Variants in P3H2 observed in about 807,000 individuals in gnomAD.
P3H2 encodes the protein prolyl 3-hydroxylase 2, also known as leprecan-like 1.
P3H2 carries 80 observed loss-of-function variants against 87.0 expected under a neutral mutation model. The ratio of observed to expected loss-of-function variants is 0.92; its 90% CI spans 0.77 to 1.11. The LOEUF (loss-of-function observed/expected upper bound fraction) is 1.11. Among genes scored for constraint, P3H2 ranks in the 50% least tolerant of loss-of-function variants. P3H2 has a pLI of 0.00. For synonymous variants in P3H2, 367 were observed against 359.3 expected (o/e 1.02, Z -0.24); for missense variants, 1,001 against 923.9 (o/e 1.08, Z -1.08).
intron 11 of P3H2, 33 bp downstream of exon 11, chr3:189,972,841 G>A (rs772714307): frequency 2.5e-6 from 4 of 1,612,170 alleles, no homozygotes; most frequent in Admixed American, 3.3e-5. Context: ...TGTATTGTGG[G>A]TAAAAGGGAA....
intron 3 of P3H2, among the ~76,000 whole-genome samples, chr3:189,993,228 A>G (rs996081877): frequency 1.1e-4 from 16 of 152,042 alleles, no homozygotes; most frequent in South Asian, 4.2e-4. Context: ...AGGCTGAGAA[A>G]GAAGAATTGC....
chr3:190,090,975 C>T (rs556635918), intron 1 of P3H2, among the ~76,000 whole-genome samples: 7 of 151,970 alleles, frequency 4.6e-5, no homozygotes, highest in Non-Finnish European at 8.8e-5. Context: ...TTTTTTATTC[C>T]GCCTGCCATC....
At chr3:190,030,446 C>A (rs539727872) in intron 1 of P3H2, among the ~76,000 whole-genome samples, 1 of 152,122 alleles carries the variant, frequency 6.6e-6, no homozygotes, top group African/African-American at 2.4e-5. Flanking sequence ...GGCACGCAAC[C>A]CTGGAGGCTG....
chr3:189,978,169 G>A (rs1200701087), intron 8 of P3H2, among the ~76,000 whole-genome samples: 1 of 152,186 alleles, frequency 6.6e-6, no homozygotes, highest in Non-Finnish European at 1.5e-5. Flanking sequence ...ATGAAAGACA[G>A]ATGAGAGATT....
intron 1 of P3H2, among the ~76,000 whole-genome samples, chr3:189,999,201 A>C (rs1422374765): frequency 1.3e-5 from 2 of 152,118 alleles, no homozygotes; most frequent in South Asian, 2.1e-4. Flanking sequence ...AATGTCAACA[A>C]ACTGGGTCCT....
intron 1 of P3H2, among the ~76,000 whole-genome samples, chr3:190,036,028 T>C (rs1460270755): frequency 2.0e-5 from 3 of 152,192 alleles, no homozygotes. Context: ...TTTTATTCAA[T>C]TGCAAGAATT....
At position 190,120,239 on chromosome 3, in the gene P3H2, G is replaced by C. The variant is rs1406724855; in HGVS notation, c.480+13C>G. ...CGCAGGGGCTTTGCAGTGGAGGAGC[G>C]CTCTGTGGGTACCTTGATGTAGGCC... On this transcript the variant is annotated intron_variant, in intron 1 of 14. Coordinates refer to ENST00000319332, the MANE Select transcript of P3H2 (RefSeq NM_018192.4). The C allele has an allele frequency of 1.9e-6, 3 of 1,607,706 alleles. No individual in the cohort carries two copies. Among genetic ancestry groups the C allele is most frequent in the African/African-American group, 1.3e-5 (1 of 74,990 alleles).
rs1354846955 is a variant in P3H2 at position 189,957,010 on chromosome 3, G to C, written c.*902C>G. 5.3e-5 allele frequency: 21 copies of C among 397,924 alleles called. No homozygotes were observed. The allele number at this position is 397,924 out of a possible 1,614,324, so 24.6% of individuals were successfully genotyped here. A position where few individuals can be genotyped will look rare whatever the true frequency, so the allele number is the denominator to read the frequency against. On this transcript the variant is annotated 3_prime_UTR_variant, in exon 15 of 15. Coordinates refer to ENST00000319332, the MANE Select transcript of P3H2 (RefSeq NM_018192.4). ...TACAACCTCTACATGACCTTTTAAA[G>C]TGTACAACTTATAGGACAGTCCTTT...
intron 1 of P3H2, among the ~76,000 whole-genome samples, chr3:190,042,487 C>T (rs1725668739): frequency 6.6e-6 from 1 of 151,734 alleles, no homozygotes; most frequent in Non-Finnish European, 1.5e-5. Flanking sequence ...ATCTCACAGG[C>T]ATATTGTGGA....
chr3:190,024,028 G>C (rs955812945), intron 1 of P3H2, among the ~76,000 whole-genome samples: 2 of 152,106 alleles, frequency 1.3e-5, no homozygotes, highest in Admixed American at 1.3e-4. Flanking sequence ...ATGTGCTTTA[G>C]AGGATATACT....
intron 1 of P3H2, among the ~76,000 whole-genome samples, chr3:190,017,297 T>A (rs1724786758): frequency 6.6e-6 from 1 of 152,034 alleles, no homozygotes; most frequent in Non-Finnish European, 1.5e-5. Context: ...TATTTAGTAA[T>A]ATAAATTTAA....
intron 1 of P3H2, among the ~76,000 whole-genome samples, chr3:190,070,035 T>C (rs554479709): frequency 2.0e-5 from 3 of 151,852 alleles, no homozygotes; most frequent in Admixed American, 1.3e-4. Context: ...TTAAGATGCA[T>C]GCATGAAGGC....
At chr3:190,046,169 G>T (rs1725797871) in intron 1 of P3H2, among the ~76,000 whole-genome samples, 1 of 150,414 alleles carries the variant, frequency 6.6e-6, no homozygotes. Flanking sequence ...CCTGGTGCCT[G>T]CCCTAAGGAT....
rs142378067 is a variant in P3H2 at position 190,043,407 on chromosome 3, A to G, written c.481-47965T>C. On this transcript the variant is annotated intron_variant, in intron 1 of 14. Coordinates refer to ENST00000319332, the MANE Select transcript of P3H2 (RefSeq NM_018192.4). ...TGAGTGGAAAGAGTGCTGACTTCCT[A>G]TGGGTAATTCGCAACTCTCAGCTTC... 1.7e-3 allele frequency among the ~76,000 whole-genome samples: 265 copies of G among 152,162 alleles called. 3 individuals carry two copies. Among genetic ancestry groups the G allele is most frequent in the East Asian group, 5.0e-3 (26 of 5,150 alleles).
At chr3:190,079,324 G>C (rs958449665) in intron 1 of P3H2, among the ~76,000 whole-genome samples, 1 of 150,502 alleles carries the variant, frequency 6.6e-6, no homozygotes, top group Non-Finnish European at 1.5e-5. Flanking sequence ...GGGTGACAAA[G>C]CAAGACTCTG....
chr3:190,101,021 T>C (rs1711606315), intron 1 of P3H2, among the ~76,000 whole-genome samples: 1 of 152,146 alleles, frequency 6.6e-6, no homozygotes, highest in Non-Finnish European at 1.5e-5. Context: ...CTGTGATAAC[T>C]GATCTTTGAT....
intron 1 of P3H2, among the ~76,000 whole-genome samples, chr3:190,077,068 C>A (rs539305902): frequency 6.6e-6 from 1 of 152,206 alleles, no homozygotes; most frequent in South Asian, 2.1e-4. Context: ...AAGGGAAAAA[C>A]CAAAAAGAGG....
chr3:190,087,416 C>T lies in P3H2; in HGVS notation c.480+32836G>A, dbSNP rs919484272. On this transcript the variant is annotated intron_variant, in intron 1 of 14. Coordinates refer to ENST00000319332, the MANE Select transcript of P3H2 (RefSeq NM_018192.4). ...GAAATTAGCTGGGTGTGGTGGCGGG[C>T]GCCTGTAGTCCCAGCTACTCCGAAG... Among the ~76,000 whole-genome samples, 16 of 151,544 alleles carry T rather than the reference C, an allele frequency of 1.1e-4. No homozygotes were observed. In the East Asian group the frequency reaches 1.4e-3, roughly 13 times the overall value.
intron 1 of P3H2, among the ~76,000 whole-genome samples, chr3:189,996,450 C>G (rs1453947004): frequency 6.6e-6 from 1 of 151,932 alleles, no homozygotes; most frequent in Admixed American, 6.6e-5. Context: ...TTGCCAGAGG[C>G]TGGAAAATGT....
Sources: gnomAD v4.1 joint callset for allele counts (sites outside exome capture counted in the v4.1 genomes callset) on GRCh38, gnomAD v4.1.1 for gene constraint, MANE v1.5 for transcripts, NCBI Gene and HGNC (gene_info 2026-07-23, HGNC 2026-07-21) for gene names.